The following LPAR4 variants were observed in gnomAD, a reference collection of about 807,000 sequenced individuals.
The protein encoded by LPAR4 is G-protein coupled receptor 23.
A neutral mutation model predicts 9.2 loss-of-function variants in LPAR4; 14 were observed. The observed-to-expected ratio is 1.51, with a 90% CI of 1.00 to 2.37. The LOEUF is 2.37. Among genes scored for constraint, LPAR4 ranks in the 30% most tolerant of loss-of-function variants. LPAR4 has a pLI of 0.00. For missense variants in LPAR4, 251 were observed against 272.1 expected, an observed-to-expected ratio of 0.92 and a Z score of 0.55; for synonymous variants, 131 against 97.9, an observed-to-expected ratio of 1.34 and a Z score of -1.99.
Position 78,756,061 on chromosome X carries a change from A to G in LPAR4, c.*79A>G. On this transcript the variant is annotated 3_prime_UTR_variant, in exon 5 of 5. Transcript: ENST00000614823. ...GCTATAAACTAAAGATTTGAAGCTA[A>G]TGATACTGAGAATAATGCACCAAAT... is the stretch of plus-strand genomic sequence containing the variant. 1 of 787,535 alleles carries G rather than the reference A, an allele frequency of 1.3e-6. No homozygotes were observed. The highest frequency in any genetic ancestry group is 1.9e-6 in the Non-Finnish European group (1 of 540,454). The allele number at this position is 787,535 out of a possible 1,213,427, so 64.9% of individuals were successfully genotyped here.
intron 4 of LPAR4, among the ~76,000 whole-genome samples, chrX:78,753,035 C>A (rs1200579359): frequency 9.0e-6 from 1 of 111,408 alleles, no homozygotes; most frequent in Admixed American, 9.5e-5. Flanking sequence ...TGGTCAACCT[C>A]CACGGGACCT....
rs904378429 is a variant in LPAR4, at chrX:78,750,785, G to A, written c.-189G>A. 9.1e-6 allele frequency: 1 copy of A among 109,699 alleles called. No individual in the cohort carries two copies. The highest frequency in any genetic ancestry group is 1.9e-5 in the Non-Finnish European group (1 of 52,440). 9.0% of individuals were successfully genotyped at this position (109,699 alleles called of 1,213,427 possible). A position where few individuals can be genotyped will look rare whatever the true frequency, so the allele number is the denominator to read the frequency against. On this transcript the variant is annotated 5_prime_UTR_variant, in exon 3 of 5. Coordinates refer to ENST00000614823, the MANE Select transcript of LPAR4 (RefSeq NM_001278000.3). ...AGAAAAGAAAAAAAGAAAAAAAAAA[G>A]ACCCAATGTAAGTTCATGCCAAAAC...
At position 78,754,950 on chromosome X, in the gene LPAR4, C is replaced by T. The variant is rs200160717; in HGVS notation, c.81C>T (p.Ala27=). The change falls in exon 5 of 5, where the codon GCC becomes GCT. Residue 27 remains alanine (A), a synonymous_variant. Coordinates refer to ENST00000614823, the MANE Select transcript of LPAR4 (RefSeq NM_001278000.3). The part of the protein sequence containing the change: ...SLRPRLGNAT[A]NNTCIVDDSF... ...GACCCAGGTTGGGCAATGCTACTGC[C>T]AATAATACTTGCATTGTTGATGATT... 47 of 1,203,141 alleles carry T rather than the reference C, an allele frequency of 3.9e-5. No homozygotes were observed. Among genetic ancestry groups the T allele is most frequent in the Non-Finnish European group, 3.4e-6 (3 of 889,537 alleles).
downstream of LPAR4, among the ~76,000 whole-genome samples, chrX:78,758,714 AT>A (rs1421194829): frequency 8.9e-6 from 1 of 111,940 alleles, no homozygotes; most frequent in East Asian, 2.8e-4. Context: ...TATTTGAATT[AT>A]TTAGCAGTCA....
chrX:78,749,777 CT>C (rs1444716090), intron 1 of LPAR4, among the ~76,000 whole-genome samples: 3 of 111,563 alleles, frequency 2.7e-5, no homozygotes, highest in African/African-American at 9.8e-5. Context: ...TGCTTGCAGA[CT>C]TTGAGGAAAT....
At chrX:78,752,715 C>T (rs1217252898) in intron 4 of LPAR4, among the ~76,000 whole-genome samples, 1 of 111,405 alleles carries the variant, frequency 9.0e-6, no homozygotes, top group African/African-American at 3.3e-5. Context: ...TCTGGACTGT[C>T]CTCTGTAGGG....
At position 78,758,195 on chromosome X, in the gene LPAR4, G is replaced by A. The variant is rs1925386806; in HGVS notation, c.*2213G>A. Among the ~76,000 whole-genome samples, 1 of 111,898 alleles carries A rather than the reference G, an allele frequency of 8.9e-6. No individual in the cohort carries two copies. The highest frequency in any genetic ancestry group is 2.8e-4 in the East Asian group (1 of 3,596). ...TGTAGTCTTATGAAAAGAGGCTATA[G>A]ATGGAATATATAAGGCATTAGATTC... On this transcript the variant is annotated 3_prime_UTR_variant, in exon 5 of 5. Transcript: ENST00000614823.
At position 78,755,454 on chromosome X, in the gene LPAR4, T is replaced by A; in HGVS notation, c.585T>A (p.Arg195=). Reference sequence around the variant, plus strand: ...CCTGCTTTGAAGGCTTCTCCAAACGTGTCTGGAAGACTTATTTATCCAAGA... The same window carrying A: ...CCTGCTTTGAAGGCTTCTCCAAACGAGTCTGGAAGACTTATTTATCCAAGA... The part of the protein sequence containing the change: ...TTTCFEGFSK[R]VWKTYLSKIT... Residue 195 remains arginine, a synonymous_variant, in exon 5 of 5, where the codon CGT becomes CGA. Transcript: ENST00000614823. 1 of 1,209,863 alleles carries A rather than the reference T, an allele frequency of 8.3e-7. No homozygotes were observed. The highest frequency in any genetic ancestry group is 2.2e-5 in the Admixed American group (1 of 45,926).
In LPAR4 at chrX:78,750,167, A is replaced by G. The variant is rs968831802; in HGVS notation, c.-294-7A>G. 1 of 112,020 alleles carries G rather than the reference A, an allele frequency of 8.9e-6. No individual in the cohort carries two copies. Among genetic ancestry groups the G allele is most frequent in the African/African-American group, 3.2e-5 (1 of 30,838 alleles). The allele number at this position is 112,020 out of a possible 1,213,427, so 9.2% of individuals were successfully genotyped here. ...TAAAATGGAATAAAATATTCATTTC[A>G]TTCCAGGAAGACAGATTTCTGGAGG... is the stretch of plus-strand genomic sequence containing the variant. On this transcript the variant is annotated splice_polypyrimidine_tract_variant and splice_region_variant and intron_variant, in intron 1 of 4. Coordinates refer to ENST00000614823, the MANE Select transcript of LPAR4 (RefSeq NM_001278000.3).
At position 78,755,928 on chromosome X, in the gene LPAR4, G is replaced by A. The variant is rs757652212; in HGVS notation, c.1059G>A (p.Val353=). 6 of 1,206,428 alleles carry A rather than the reference G, an allele frequency of 5.0e-6. No homozygotes were observed. In the South Asian group the frequency reaches 1.1e-4, roughly 21 times the overall value. ...KPSLPAIQEE[V]SDQTTNNGGE... ...CCCTTCCAGCTATTCAAGAGGAAGT[G>A]AGTGATCAAACAACAAATAATGGTG... The change falls in exon 5 of 5, where the codon GTG becomes GTA. Residue 353 remains valine (V), a synonymous_variant. Transcript: ENST00000614823.
chrX:78,755,056 G>A lies in LPAR4; in HGVS notation c.187G>A (p.Val63Ile). Reference sequence around the variant, plus strand: ...GATAACCAACAGTGTCTCTCTGTTTGTCTTCTGTTTCCGCATGAAAATGAG... The same window carrying A: ...GATAACCAACAGTGTCTCTCTGTTTATCTTCTGTTTCCGCATGAAAATGAG... ...GLITNSVSLF[V>I]FCFRMKMRSE... The change falls in exon 5 of 5, where the codon GTC becomes ATC. Residue 63 changes from valine to isoleucine, a missense_variant. By Grantham distance (29) the Val-to-Ile change is conservative. Transcript: ENST00000614823. The A allele has an allele frequency of 8.3e-7, 1 of 1,208,287 alleles. No homozygotes were observed. Among genetic ancestry groups the A allele is most frequent in the Non-Finnish European group, 1.1e-6 (1 of 892,467 alleles).
In LPAR4 at chrX:78,756,092, C is replaced by A. The variant is rs1038484155; in HGVS notation, c.*110C>A. 13 of 628,742 alleles carry A rather than the reference C, an allele frequency of 2.1e-5. No individual in the cohort carries two copies. Among genetic ancestry groups the A allele is most frequent in the South Asian group, 3.0e-5 (1 of 33,721 alleles). 51.8% of individuals were successfully genotyped at this position (628,742 alleles called of 1,213,427 possible). On this transcript the variant is annotated 3_prime_UTR_variant, in exon 5 of 5. Transcript: ENST00000614823. The stretch of plus-strand genomic sequence containing the variant: ...CTGAGAATAATGCACCAAATCCAGT[C>A]AGATACATTTGTTTGAAGGTATACT...
intron 1 of LPAR4, 31 bp from the exon 2 acceptor site, chrX:78,750,143 A>G (rs1221950200): frequency 8.9e-6 from 1 of 112,151 alleles, no homozygotes; most frequent in Non-Finnish European, 1.9e-5. Flanking sequence ...ATAAACCAAT[A>G]AAATGGAATA....
At chrX:78,750,114 G>A (rs1443539025) in intron 1 of LPAR4, 60 bp from the exon 2 acceptor site, 1 of 111,793 alleles carries the variant, frequency 8.9e-6, no homozygotes, top group Non-Finnish European at 1.9e-5. Flanking sequence ...TAATGTTAAT[G>A]CTTCTGTTTT....
Position 78,756,174 on chromosome X carries a change from A to G in LPAR4, c.*192A>G, listed in dbSNP as rs1925283892. 2 of 400,559 alleles carry G rather than the reference A, an allele frequency of 5.0e-6. No individual in the cohort carries two copies. The highest frequency in any genetic ancestry group is 2.6e-5 in the African/African-American group (1 of 38,800). 33.0% of individuals were successfully genotyped at this position (400,559 alleles called of 1,213,427 possible). ...TTATAGGTCAAATCTAATTACAACA[A>G]CCAAGATGGATTGCCAAACTCTTCT... On this transcript the variant is annotated 3_prime_UTR_variant, in exon 5 of 5. Transcript: ENST00000614823.
In LPAR4 at chrX:78,756,616, C is replaced by T. The variant is rs967992265; in HGVS notation, c.*634C>T. 4.1e-5 allele frequency: 5 copies of T among 122,640 alleles called. 1 individual carries two copies. The South Asian group carries it at 1.8e-3, about 45-fold the overall frequency. 10.1% of individuals were successfully genotyped at this position (122,640 alleles called of 1,213,427 possible). ...CCAGCAGTGTGAGTTTAAAAAACTT[C>T]GTTGTTTTTACACCAAATTAAAATT... On this transcript the variant is annotated 3_prime_UTR_variant, in exon 5 of 5. Coordinates refer to ENST00000614823, the MANE Select transcript of LPAR4 (RefSeq NM_001278000.3).
intron 3 of LPAR4, among the ~76,000 whole-genome samples, 168 bp downstream of exon 3, chrX:78,750,960 C>T (rs930654925): frequency 2.7e-5 from 3 of 110,633 alleles, no homozygotes; most frequent in African/African-American, 9.8e-5. Flanking sequence ...GTCAATACTA[C>T]TAAAAAAATA....
In LPAR4 at chrX:78,757,908, C is replaced by A. The variant is rs1420773852; in HGVS notation, c.*1926C>A. On this transcript the variant is annotated 3_prime_UTR_variant, in exon 5 of 5. Coordinates refer to ENST00000614823, the MANE Select transcript of LPAR4 (RefSeq NM_001278000.3). ...GGTTAAACAATTATAAAGCACAGAA[C>A]AATAACAAAAAAGTAAAACTTCTAA... 1.8e-5 allele frequency among the ~76,000 whole-genome samples: 2 copies of A among 111,772 alleles called. No individual in the cohort carries two copies. Among genetic ancestry groups the A allele is most frequent in the African/African-American group, 6.5e-5 (2 of 30,872 alleles).
chrX:78,749,546 T>A (rs1431827287), intron 1 of LPAR4, among the ~76,000 whole-genome samples: 1 of 110,581 alleles, frequency 9.0e-6, no homozygotes, highest in Non-Finnish European at 1.9e-5. Context: ...GTGGGAAGGG[T>A]TGAGGGTTGA....
Sources: gnomAD v4.1 joint callset for allele counts (sites outside exome capture counted in the v4.1 genomes callset) on GRCh38, gnomAD v4.1.1 for gene constraint, MANE v1.5 for transcripts, NCBI Gene and HGNC (gene_info 2026-07-23, HGNC 2026-07-21) for gene names.